GIMAP5: variants seen among roughly 807,000 people sequenced by gnomAD.
The protein encoded by GIMAP5 is GTPase, IMAP family member 5.
In GIMAP5, 8 loss-of-function variants were observed where a neutral mutation model predicts 9.9. The ratio of observed to expected loss-of-function variants is 0.81; its 90% CI spans 0.47 to 1.45. GIMAP5 has a LOEUF of 1.45. Among genes scored for constraint, GIMAP5 ranks in the 40% most tolerant of loss-of-function variants. GIMAP5 has a pLI of 0.00. For synonymous variants in GIMAP5, 174 were observed against 151.4 expected, an observed-to-expected ratio of 1.15 and a Z score of -1.09; for missense variants, 353 against 367.4, an observed-to-expected ratio of 0.96 and a Z score of 0.32.
chr7:150,742,279 T>C lies in GIMAP5; in HGVS notation c.140T>C (p.Ile47Thr), dbSNP rs1797607693. The change falls in exon 3 of 3, where the codon ATC (isoleucine) becomes ACC (threonine). Residue 47 changes from isoleucine to threonine, a missense_variant. Physicochemically the swap from Ile to Thr is moderately conservative, Grantham distance 89 (BLOSUM62 -1). Coordinates refer to ENST00000358647, the MANE Select transcript of GIMAP5 (RefSeq NM_018384.5). ...GCGKSATGNS[I>T]LGQPVFESKL... Reference sequence around the variant, plus strand: ...GGGAAAAGTGCCACAGGGAACAGCATCCTTGGCCAGCCCGTGTTTGAGTCC... The same window carrying C: ...GGGAAAAGTGCCACAGGGAACAGCACCCTTGGCCAGCCCGTGTTTGAGTCC... The C allele has an allele frequency of 6.2e-7, 1 of 1,614,058 alleles. No homozygotes were observed. Among genetic ancestry groups the C allele is most frequent in the Non-Finnish European group, 8.5e-7 (1 of 1,180,028 alleles).
rs1248564719 is a variant in GIMAP5, at chr7:150,742,547, G to A, written c.408G>A (p.Glu136=). The change falls in exon 3 of 3, where the codon GAG becomes GAA. Residue 136 remains glutamate (E), a synonymous_variant. Coordinates refer to ENST00000358647, the MANE Select transcript of GIMAP5 (RefSeq NM_018384.5). Reference sequence around the variant, plus strand: ...CAGTGGCCATCAGGAAGGTGAAAGAGGTCTTTGGGACAGGGGCCATGAGAC... The same window carrying A: ...CAGTGGCCATCAGGAAGGTGAAAGAAGTCTTTGGGACAGGGGCCATGAGAC... The part of the protein sequence containing the change: ...QDTVAIRKVK[E]VFGTGAMRHV... The A allele has an allele frequency of 5.0e-6, 8 of 1,614,212 alleles. No individual in the cohort carries two copies. Among genetic ancestry groups the A allele is most frequent in the South Asian group, 1.1e-5 (1 of 91,082 alleles).
chr7:150,742,866 A>G lies in GIMAP5; in HGVS notation c.727A>G (p.Arg243Gly), dbSNP rs1211153258. 2.5e-6 allele frequency: 4 copies of G among 1,614,076 alleles called. No individual in the cohort carries two copies. In the African/African-American group the frequency reaches 5.3e-5, roughly 22 times the overall value. The change falls in exon 3 of 3, where the codon AGG becomes GGG. Residue 243 changes from arginine to glycine, a missense_variant. Arg to Gly is a moderately radical substitution (Grantham distance 125). Transcript: ENST00000358647. ...TGAGACQEDY[R>G]QYQAKVEWQV... The stretch of plus-strand genomic sequence containing the variant: ...AGCTGGGGCCTGCCAGGAAGACTAC[A>G]GGCAGTACCAGGCCAAAGTGGAATG...
In GIMAP5 at chr7:150,742,753, C is replaced by G. The variant is rs552913796; in HGVS notation, c.614C>G (p.Ala205Gly). ...AGGCAGCAGCAGGCAGAGCTCCTGG[C>G]TGTGATTGAGAGGCTGGGGAGGGAG... Reference protein sequence around the residue: ...EQRQQQAELLAVIERLGRERE... With the variant: ...EQRQQQAELLGVIERLGRERE... Residue 205 changes from alanine (A) to glycine (G), a missense_variant, in exon 3 of 3, where the codon GCT becomes GGT. By Grantham distance (60) the Ala-to-Gly change is moderately conservative. Transcript: ENST00000358647. The G allele has an allele frequency of 8.1e-6, 13 of 1,614,162 alleles. 1 individual carries two copies. The Admixed American group carries it at 2.2e-4, about 27-fold the overall frequency.
chr7:150,737,798 G>C, intron 1 of GIMAP5, 90 bp downstream of exon 1: 1 of 1,056,770 alleles, frequency 9.5e-7, no homozygotes, highest in South Asian at 1.5e-5. Context: ...ACATGACCTT[G>C]CACAGATCCC....
In GIMAP5 at chr7:150,743,236, G is replaced by A. The variant is rs775774774; in HGVS notation, c.*173G>A. On this transcript the variant is annotated 3_prime_UTR_variant, in exon 3 of 3. Transcript: ENST00000358647. ...TGGAGCTGTGTGCCTCCACTCCAAG[G>A]CTGCCTGCCTGCTGTAAACACTATT... 1 of 785,368 alleles carries A rather than the reference G, an allele frequency of 1.3e-6. No individual in the cohort carries two copies. The highest frequency in any genetic ancestry group is 2.0e-6 in the Non-Finnish European group (1 of 508,760). The allele number at this position is 785,368 out of a possible 1,614,324, so 48.6% of individuals were successfully genotyped here.
In GIMAP5 at chr7:150,742,550, C is replaced by G; in HGVS notation, c.411C>G (p.Val137=). The G allele has an allele frequency of 1.2e-6, 2 of 1,614,184 alleles. No homozygotes were observed. Among genetic ancestry groups the G allele is most frequent in the Non-Finnish European group, 1.7e-6 (2 of 1,180,038 alleles). The part of the protein sequence containing the change: ...DTVAIRKVKE[V]FGTGAMRHVV... ...TGGCCATCAGGAAGGTGAAAGAGGTCTTTGGGACAGGGGCCATGAGACATG... is the reference window on the plus strand; with the variant it reads ...TGGCCATCAGGAAGGTGAAAGAGGTGTTTGGGACAGGGGCCATGAGACATG... Residue 137 remains valine, a synonymous_variant, in exon 3 of 3, where the codon GTC becomes GTG. Coordinates refer to ENST00000358647, the MANE Select transcript of GIMAP5 (RefSeq NM_018384.5).
chr7:150,741,584 C>T (rs1797595391), intron 2 of GIMAP5, among the ~76,000 whole-genome samples: 1 of 152,176 alleles, frequency 6.6e-6, no homozygotes, highest in African/African-American at 2.4e-5. Flanking sequence ...ATCTCCCAGA[C>T]GCTGCCCTAA....
At position 150,742,349 on chromosome 7, in the gene GIMAP5, A is replaced by G. The variant is rs148415755; in HGVS notation, c.210A>G (p.Thr70=). 2.1e-5 allele frequency: 34 copies of G among 1,614,092 alleles called. No individual in the cohort carries two copies. The African/African-American group carries it at 4.1e-4, about 20-fold the overall frequency. ...TGACCAGGACGTGCCAGGTGAAAAC[A>G]GGAACATGGAACGGGAGGAAAGTCC... ...QSVTRTCQVK[T]GTWNGRKVLV... is the part of the protein sequence containing the mutation. The change falls in exon 3 of 3, where the codon ACA becomes ACG. Residue 70 remains threonine (T), a synonymous_variant. Transcript: ENST00000358647.
In GIMAP5 at chr7:150,742,835, A is replaced by AACTGGAGC. The variant is rs779419627; in HGVS notation, c.697_704dup (p.Gly236LeufsTer28). On this transcript the variant is annotated frameshift_variant, in exon 3 of 3. Coordinates refer to ENST00000358647, the MANE Select transcript of GIMAP5 (RefSeq NM_018384.5). LOFTEE classifies it low-confidence loss of function (END_TRUNC). ...TCTTGGATGCCCAGCTGCTCCAAAG[A>AACTGGAGC]ACTGGAGCTGGGGCCTGCCAGGAAG... 6.2e-7 allele frequency: 1 copy of AACTGGAGC among 1,614,166 alleles called. No individual in the cohort carries two copies. The highest frequency in any genetic ancestry group is 2.2e-5 in the East Asian group (1 of 44,868).
Position 150,742,777 on chromosome 7 carries a change from A to C in GIMAP5, c.638A>C (p.Glu213Ala), listed in dbSNP as rs1362735502. ...GCTGTGATTGAGAGGCTGGGGAGGG[A>C]GCGAGAGGGCTCCTTCCACAGCAAT... ...LLAVIERLGR[E>A]REGSFHSNDL... Residue 213 changes from glutamate (E) to alanine (A), a missense_variant, in exon 3 of 3, where the codon GAG becomes GCG. Glu to Ala is a moderately radical substitution (Grantham distance 107). Coordinates refer to ENST00000358647, the MANE Select transcript of GIMAP5 (RefSeq NM_018384.5). 3.7e-6 allele frequency: 6 copies of C among 1,613,980 alleles called. No homozygotes were observed. The African/African-American group carries it at 8.0e-5, about 22-fold the overall frequency.
chr7:150,740,898 A>AG lies in GIMAP5; in HGVS notation c.15dup (p.Arg6GlufsTer9), dbSNP rs780641034. On this transcript the variant is annotated frameshift_variant, in exon 2 of 3. Coordinates refer to ENST00000358647, the MANE Select transcript of GIMAP5 (RefSeq NM_018384.5). LOFTEE classifies it high-confidence loss of function. ...TTCCAGGAGAGAATGGGAGGATTCC[A>AG]GAGGGGCAAATATGGAACTATGGCT... 1 of 1,614,028 alleles carries AG rather than the reference A, an allele frequency of 6.2e-7. No homozygotes were observed. The highest frequency in any genetic ancestry group is 8.5e-7 in the Non-Finnish European group (1 of 1,179,978).
intron 2 of GIMAP5, 76 bp downstream of exon 2, chr7:150,741,003 T>C: frequency 2.0e-6 from 3 of 1,477,552 alleles, no homozygotes; most frequent in East Asian, 2.3e-5. Flanking sequence ...TACCCCCATC[T>C]AAAACACAGT....
At chr7:150,741,660 C>G (rs1034947938) in intron 2 of GIMAP5, among the ~76,000 whole-genome samples, 1 of 152,162 alleles carries the variant, frequency 6.6e-6, no homozygotes, top group Non-Finnish European at 1.5e-5. Flanking sequence ...GGCACAGACC[C>G]AGGGACAGGC....
intron 1 of GIMAP5, 85 bp downstream of exon 1, chr7:150,737,793 A>T: frequency 9.0e-7 from 1 of 1,107,586 alleles, no homozygotes; most frequent in South Asian, 1.4e-5. Flanking sequence ...TTCTGACATG[A>T]CCTTGCACAG....
At chr7:150,741,681 C>T (rs951798750) in intron 2 of GIMAP5, among the ~76,000 whole-genome samples, 1 of 152,194 alleles carries the variant, frequency 6.6e-6, no homozygotes, top group Non-Finnish European at 1.5e-5. Flanking sequence ...AGCTGACCCC[C>T]GGCAGTGGGT....
Position 150,742,512 on chromosome 7 carries a change from G to T in GIMAP5, c.373G>T (p.Ala125Ser). 3 of 1,614,198 alleles carry T rather than the reference G, an allele frequency of 1.9e-6. No individual in the cohort carries two copies. The highest frequency in any genetic ancestry group is 2.5e-6 in the Non-Finnish European group (3 of 1,180,028). ...LLVIQLGRFTAQDTVAIRKVK... is the reference protein window; with the variant it reads ...LLVIQLGRFTSQDTVAIRKVK... ...GGTGATCCAGCTGGGGCGTTTCACT[G>T]CTCAGGACACAGTGGCCATCAGGAA... The change falls in exon 3 of 3, where the codon GCT (alanine) becomes TCT (serine). Residue 125 changes from alanine (A) to serine (S), a missense_variant. Transcript: ENST00000358647.
chr7:150,737,908 G>C (rs1357487256), intron 1 of GIMAP5, 200 bp downstream of exon 1: 1 of 597,924 alleles, frequency 1.7e-6, no homozygotes, highest in East Asian at 2.8e-5. Context: ...TGAAGAATCT[G>C]TGCCTGCACT....
chr7:150,739,515 A>G (rs187008230), intron 1 of GIMAP5: 1 of 152,364 alleles, frequency 6.6e-6, no homozygotes. Context: ...CATAATCAAT[A>G]TCATTACCAC....
rs1044863673 is a variant in GIMAP5 at position 150,740,939 on chromosome 7, T to C, written c.43+12T>C. The stretch of plus-strand genomic sequence containing the variant: ...AACTATGGCTGAAGGTAAGAAAGTC[T>C]TGAAGTTCTCAAGAGCCCCAGACAC... On this transcript the variant is annotated intron_variant, in intron 2 of 2. Coordinates refer to ENST00000358647, the MANE Select transcript of GIMAP5 (RefSeq NM_018384.5). 2 of 1,613,920 alleles carry C rather than the reference T, an allele frequency of 1.2e-6. No individual in the cohort carries two copies.
Sources: gnomAD v4.1 joint callset for allele counts (sites outside exome capture counted in the v4.1 genomes callset) on GRCh38, gnomAD v4.1.1 for gene constraint, MANE v1.5 for transcripts, NCBI Gene and HGNC (gene_info 2026-07-23, HGNC 2026-07-21) for gene names.